RPS6KC1: variants seen among roughly 807,000 people sequenced by gnomAD.
RPS6KC1 encodes ribosomal protein S6 kinase C1.
RPS6KC1 carries 54 observed loss-of-function variants against 103.8 expected under a neutral mutation model. The observed-to-expected ratio is 0.52, with a 90% CI of 0.42 to 0.65. The LOEUF (loss-of-function observed/expected upper bound fraction) is 0.65, where lower values mean the gene tolerates loss of function less well. Ranked by LOEUF, RPS6KC1 falls within the 30% of genes least tolerant of loss-of-function variation. The pLI is 0.00. For synonymous variants in RPS6KC1, 439 were observed against 438.7 expected (o/e 1.00, Z -0.01); for missense variants, 1,151 against 1,253.8 (o/e 0.92, Z 1.24).
chr1:213,824,723 A>G, the RPS6KC1 span, among the ~76,000 whole-genome samples: 4,078 of 152,292 alleles, frequency 0.027, 84 homozygotes, highest in Middle Eastern at 0.092. Flanking sequence ...TGCCATCCAT[A>G]TAAGACATGA....
At chr1:213,266,659 C>A (rs2094917922) in intron 14 of RPS6KC1, among the ~76,000 whole-genome samples, 1 of 152,128 alleles carries the variant, frequency 6.6e-6, no homozygotes, top group African/African-American at 2.4e-5. Flanking sequence ...GTAATTCCAG[C>A]ACTTTGGGAG....
At chr1:213,738,304 AG>A in the RPS6KC1 span, among the ~76,000 whole-genome samples, 1 of 152,212 alleles carries the variant, frequency 6.6e-6, no homozygotes, top group Non-Finnish European at 1.5e-5. Flanking sequence ...ATATTCTCCA[AG>A]ACAGCTCATT....
At chr1:213,860,858 G>C in the RPS6KC1 span, among the ~76,000 whole-genome samples, 1,398 of 151,778 alleles carry the variant, frequency 9.2e-3, 37 homozygotes, top group African/African-American at 0.032. Context: ...ACCCAGGCTG[G>C]AGTGCAGTGG....
At chr1:213,341,797 A>G in the RPS6KC1 span, among the ~76,000 whole-genome samples, 1 of 152,204 alleles carries the variant, frequency 6.6e-6, no homozygotes, top group African/African-American at 2.4e-5. Context: ...CATAGCTAGT[A>G]AGAAGAAGAG....
the RPS6KC1 span, among the ~76,000 whole-genome samples, chr1:213,650,633 C>A: frequency 6.6e-6 from 1 of 152,120 alleles, no homozygotes; most frequent in Admixed American, 6.5e-5. Flanking sequence ...GAGTGGGGAA[C>A]TGTTTGGAAT....
At chr1:213,185,753 T>C (rs1379242485) in intron 8 of RPS6KC1, among the ~76,000 whole-genome samples, 1 of 151,998 alleles carries the variant, frequency 6.6e-6, no homozygotes, top group Non-Finnish European at 1.5e-5. Context: ...TATTTTCTGG[T>C]TATTTTGACA....
At chr1:213,315,789 A>G in the RPS6KC1 span, among the ~76,000 whole-genome samples, 2 of 152,228 alleles carry the variant, frequency 1.3e-5, no homozygotes, top group African/African-American at 4.8e-5. Context: ...AATGGGACTC[A>G]TGATACCTGC....
At chr1:213,218,788 TA>T (rs1382387435) in intron 8 of RPS6KC1, among the ~76,000 whole-genome samples, 3 of 152,162 alleles carry the variant, frequency 2.0e-5, no homozygotes, top group African/African-American at 7.2e-5. Context: ...CCCTATTTAA[TA>T]AATGGTGCTG....
intron 14 of RPS6KC1, among the ~76,000 whole-genome samples, chr1:213,271,819 C>T (rs1336288243): frequency 6.7e-6 from 1 of 148,828 alleles, no homozygotes; most frequent in Non-Finnish European, 1.5e-5. Context: ...AGTTGCACAA[C>T]TCTTTAAATT....
chr1:213,280,551 C>T, the RPS6KC1 span, among the ~76,000 whole-genome samples: 1 of 152,108 alleles, frequency 6.6e-6, no homozygotes, highest in Non-Finnish European at 1.5e-5. Context: ...CAGAGCTGCT[C>T]TGTGTTTTCT....
the RPS6KC1 span, among the ~76,000 whole-genome samples, chr1:213,792,072 C>T: frequency 5.9e-5 from 9 of 152,156 alleles, no homozygotes; most frequent in Non-Finnish European, 1.2e-4. Flanking sequence ...ACTAACTCTT[C>T]AATTCCCCAA....
chr1:213,535,709 C>T, the RPS6KC1 span, among the ~76,000 whole-genome samples: 1 of 152,152 alleles, frequency 6.6e-6, no homozygotes, highest in Non-Finnish European at 1.5e-5. Flanking sequence ...TTTCTCCTGG[C>T]CTGGTCACCA....
chr1:213,685,272 A>G, the RPS6KC1 span, among the ~76,000 whole-genome samples: 5 of 152,216 alleles, frequency 3.3e-5, no homozygotes, highest in Non-Finnish European at 7.3e-5. Flanking sequence ...CCTCTATCAC[A>G]AGATGAATGG....
the RPS6KC1 span, among the ~76,000 whole-genome samples, chr1:213,465,961 G>A: frequency 1.1e-4 from 17 of 152,072 alleles, no homozygotes; most frequent in Non-Finnish European, 4.4e-5. Flanking sequence ...CTTCTTCTTA[G>A]AGAAAAATCT....
the RPS6KC1 span, among the ~76,000 whole-genome samples, chr1:213,542,790 T>G: frequency 1.3e-5 from 2 of 152,354 alleles, no homozygotes; most frequent in African/African-American, 4.8e-5. Context: ...ATAGCGATTA[T>G]TTTGAATGCT....
the RPS6KC1 span, among the ~76,000 whole-genome samples, chr1:213,451,529 G>T: frequency 6.6e-6 from 1 of 152,160 alleles, no homozygotes; most frequent in South Asian, 2.1e-4. Context: ...CTGCCTTGTT[G>T]TCTCCTAGGC....
In RPS6KC1 at chr1:213,176,395, A is replaced by G; in HGVS notation, c.952-5A>G. The G allele has an allele frequency of 6.3e-7, 1 of 1,589,660 alleles. No individual in the cohort carries two copies. Among genetic ancestry groups the G allele is most frequent in the Non-Finnish European group, 8.6e-7 (1 of 1,161,918 alleles). On this transcript the variant is annotated splice_region_variant and splice_polypyrimidine_tract_variant and intron_variant, in intron 7 of 14. Transcript: ENST00000366960. ...TGATGTATAATCTTTGATATCTTCC[A>G]TTAGCCTCCAGGATCACTAAGTTCA...
At position 213,240,803 on chromosome 1, in the gene RPS6KC1, C is replaced by T; in HGVS notation, c.1327C>T (p.Leu443=). ...AAAACCTACACTTGCAAAAGTTCAC[C>T]TGCAGCAGCCAACTTCTAGTCCTCA... ...VKKPTLAKVH[L]QQPTSSPQDS... is the part of the protein sequence containing the mutation. Residue 443 remains leucine, a synonymous_variant, in exon 11 of 15, where the codon CTG becomes TTG. Coordinates refer to ENST00000366960, the MANE Select transcript of RPS6KC1 (RefSeq NM_012424.6). 6.2e-7 allele frequency: 1 copy of T among 1,613,858 alleles called. No homozygotes were observed. Among genetic ancestry groups the T allele is most frequent in the Non-Finnish European group, 8.5e-7 (1 of 1,179,876 alleles).
chr1:213,774,097 C>T, the RPS6KC1 span, among the ~76,000 whole-genome samples: 2 of 152,324 alleles, frequency 1.3e-5, no homozygotes, highest in South Asian at 2.1e-4. Flanking sequence ...ACCTCTTGGG[C>T]TTCTAATCCC....
Sources: gnomAD v4.1 joint callset for allele counts (sites outside exome capture counted in the v4.1 genomes callset) on GRCh38, gnomAD v4.1.1 for gene constraint, MANE v1.5 for transcripts, NCBI Gene and HGNC (gene_info 2026-07-23, HGNC 2026-07-21) for gene names.